Variants in BACH2 observed in about 807,000 individuals in gnomAD.
BACH2 encodes the protein BACH transcriptional regulator 2, also known as transcription regulator protein BACH2.
Under a neutral mutation model 61.8 loss-of-function variants are expected in BACH2, and 5 were observed. That is an observed-to-expected ratio of 0.08 (90% CI 0.04 to 0.17). BACH2 has a LOEUF of 0.17. Among genes scored for constraint, BACH2 ranks in the 10% least tolerant of loss-of-function variants. The pLI, the probability that BACH2 is intolerant of heterozygous loss-of-function variation, is 1.00. For synonymous variants in BACH2, 446 were observed against 440.1 expected (o/e 1.01, Z -0.17); for missense variants, 824 against 1,091.1 (o/e 0.76, Z 3.45).
chr6:90,296,163 T>C (rs1582578619), intron 1 of BACH2, among the ~76,000 whole-genome samples: 1 of 152,004 alleles, frequency 6.6e-6, no homozygotes, highest in Admixed American at 6.5e-5. Context: ...CTGCTCCTCC[T>C]CCCTCTGCTG....
intron 6 of BACH2, among the ~76,000 whole-genome samples, chr6:90,003,326 C>T (rs1227669389): frequency 6.6e-6 from 1 of 152,138 alleles, no homozygotes; most frequent in East Asian, 1.9e-4. Flanking sequence ...CTCACCCTTT[C>T]CCTAGACATC....
At chr6:90,185,751 C>A (rs1768334014) in intron 4 of BACH2, among the ~76,000 whole-genome samples, 1 of 152,218 alleles carries the variant, frequency 6.6e-6, no homozygotes, top group Admixed American at 6.5e-5. Flanking sequence ...TTAAATTCAA[C>A]TGGTCTTCAC....
At chr6:89,953,045 A>T (rs1774224354) in intron 6 of BACH2, 1 of 152,252 alleles carries the variant, frequency 6.6e-6, no homozygotes, top group Admixed American at 6.5e-5. Context: ...GGTCCTTGCT[A>T]GAGGCTATGG....
At chr6:90,243,269 AC>A (rs2127866202) in intron 3 of BACH2, among the ~76,000 whole-genome samples, 1 of 151,212 alleles carries the variant, frequency 6.6e-6, no homozygotes, top group Non-Finnish European at 1.5e-5. Context: ...AAAATCCTTT[AC>A]AGTCATTAAA....
chr6:90,263,608 T>C (rs1367081391), intron 2 of BACH2, among the ~76,000 whole-genome samples: 2 of 152,210 alleles, frequency 1.3e-5, no homozygotes, highest in Admixed American at 6.5e-5. Flanking sequence ...TCAGCCTTTA[T>C]AAGAGTAGCA....
chr6:90,149,642 C>T (rs1033505453), intron 4 of BACH2, among the ~76,000 whole-genome samples: 1 of 152,130 alleles, frequency 6.6e-6, no homozygotes, highest in Non-Finnish European at 1.5e-5. Flanking sequence ...AGGCCAGCTC[C>T]CCCTGTGCAT....
chr6:90,055,591 G>C (rs547049076), intron 5 of BACH2, among the ~76,000 whole-genome samples: 1 of 149,878 alleles, frequency 6.7e-6, no homozygotes, highest in Non-Finnish European at 1.5e-5. Context: ...TAGCAAGGCA[G>C]GCCAACATTC....
At chr6:90,014,263 T>C in intron 5 of BACH2, among the ~76,000 whole-genome samples, 1 of 151,066 alleles carries the variant, frequency 6.6e-6, no homozygotes, top group African/African-American at 2.4e-5. Flanking sequence ...TCTTCTTCTT[T>C]AATTTTCTAA....
chr6:90,216,611 AACTTT>A (rs1400411173), intron 3 of BACH2, among the ~76,000 whole-genome samples: 2 of 152,200 alleles, frequency 1.3e-5, no homozygotes, highest in South Asian at 2.1e-4. Flanking sequence ...CACCTTCAAA[AACTTT>A]ACTTAACTTG....
chr6:90,024,892 A>C (rs565438902), intron 5 of BACH2, among the ~76,000 whole-genome samples: 3 of 152,282 alleles, frequency 2.0e-5, no homozygotes, highest in African/African-American at 7.2e-5. Flanking sequence ...TTCTCTTTCC[A>C]TGGCCAAAAC....
At chr6:90,275,941 C>T (rs1178725254) in intron 1 of BACH2, among the ~76,000 whole-genome samples, 6 of 151,714 alleles carry the variant, frequency 4.0e-5, no homozygotes, top group Admixed American at 3.9e-4. Flanking sequence ...TGCACTCCAG[C>T]CTGGGTGACA....
intron 7 of BACH2, among the ~76,000 whole-genome samples, chr6:89,942,549 TAA>T (rs1337276302): frequency 6.6e-6 from 1 of 152,170 alleles, no homozygotes; most frequent in Non-Finnish European, 1.5e-5. Context: ...CTTGGTTTCC[TAA>T]AGAGTCCCAA....
intron 5 of BACH2, among the ~76,000 whole-genome samples, chr6:90,050,898 A>G (rs1780013821): frequency 6.6e-6 from 1 of 151,884 alleles, no homozygotes; most frequent in Admixed American, 6.6e-5. Context: ...CAGCCTCCCA[A>G]GTAGTTGGGA....
chr6:90,227,949 CT>C (rs1769969662), intron 3 of BACH2, among the ~76,000 whole-genome samples: 3 of 152,194 alleles, frequency 2.0e-5, no homozygotes, highest in African/African-American at 4.8e-5. Flanking sequence ...GCCTAGTGGC[CT>C]GCAACACTCC....
intron 4 of BACH2, among the ~76,000 whole-genome samples, chr6:90,130,901 A>T (rs1269559359): frequency 1.3e-5 from 2 of 152,260 alleles, no homozygotes; most frequent in Admixed American, 6.5e-5. Context: ...TATAAAATTC[A>T]TCTGATACTA....
At chr6:90,090,066 A>G (rs186152660) in intron 4 of BACH2, among the ~76,000 whole-genome samples, 1 of 152,300 alleles carries the variant, frequency 6.6e-6, no homozygotes, top group East Asian at 1.9e-4. Context: ...TTCTTTTCAG[A>G]TACATGCACA....
At chr6:90,025,806 A>G (rs568845249) in intron 5 of BACH2, among the ~76,000 whole-genome samples, 1 of 152,352 alleles carries the variant, frequency 6.6e-6, no homozygotes, top group East Asian at 1.9e-4. Context: ...GACTCAGAGC[A>G]ATCTTCAGTC....
intron 6 of BACH2, among the ~76,000 whole-genome samples, chr6:89,959,972 C>G (rs540198250): frequency 2.3e-4 from 35 of 152,022 alleles, no homozygotes; most frequent in Non-Finnish European, 4.7e-4. Context: ...CCTTTCTTGG[C>G]GGTGTGTTCT....
intron 3 of BACH2, among the ~76,000 whole-genome samples, chr6:90,210,864 T>C (rs933102405): frequency 4.6e-5 from 7 of 151,938 alleles, no homozygotes; most frequent in Non-Finnish European, 8.8e-5. Context: ...TCCAGGTGGA[T>C]AGAAGCATGG....
Sources: gnomAD v4.1 joint callset for allele counts (sites outside exome capture counted in the v4.1 genomes callset) on GRCh38, gnomAD v4.1.1 for gene constraint, MANE v1.5 for transcripts, NCBI Gene and HGNC (gene_info 2026-07-23, HGNC 2026-07-21) for gene names.